The following ALKBH5 variants were observed in gnomAD, a reference collection of about 807,000 sequenced individuals.
ALKBH5 encodes alkB homolog 5, RNA demethylase.
ALKBH5 carries 2 observed loss-of-function variants against 32.1 expected under a neutral mutation model. The ratio of observed to expected loss-of-function variants is 0.06; its 90% CI spans 0.03 to 0.20. The LOEUF is 0.20. Ranked by LOEUF, ALKBH5 falls within the 10% of genes least tolerant of loss-of-function variation. ALKBH5 has a pLI of 1.00. For missense variants in ALKBH5, 352 were observed against 559.5 expected, an observed-to-expected ratio of 0.63 and a Z score of 3.74; for synonymous variants, 300 against 231.7, an observed-to-expected ratio of 1.29 and a Z score of -2.68.
intron 2 of ALKBH5, among the ~76,000 whole-genome samples, chr17:18,202,901 C>CTG (rs2047250103): frequency 1.3e-5 from 2 of 151,928 alleles, no homozygotes; most frequent in African/African-American, 2.4e-5. Flanking sequence ...TGGTGAAACC[C>CTG]TGTCCCTACT....
At chr17:18,191,388 A>C (rs529644917) in intron 1 of ALKBH5, among the ~76,000 whole-genome samples, 1 of 152,020 alleles carries the variant, frequency 6.6e-6, no homozygotes, top group Non-Finnish European at 1.5e-5. Context: ...GTGCAGCCCT[A>C]CCTCCATACT....
intron 1 of ALKBH5, among the ~76,000 whole-genome samples, chr17:18,193,248 CTA>C (rs888522256): frequency 7.0e-5 from 10 of 142,358 alleles, no homozygotes; most frequent in Non-Finnish European, 1.4e-4. Context: ...GAAGGTGGAT[CTA>C]TAAAATAAAG....
chr17:18,206,349 G>T (rs1156764760), intron 2 of ALKBH5, among the ~76,000 whole-genome samples: 1 of 152,222 alleles, frequency 6.6e-6, no homozygotes. Flanking sequence ...TGTCTGCACA[G>T]TGAGAAGATA....
rs1045597370 is a variant in ALKBH5, at chr17:18,184,176, G to A, written c.-68G>A. 18 of 1,363,750 alleles carry A rather than the reference G, an allele frequency of 1.3e-5. No individual in the cohort carries two copies. In the African/African-American group the frequency reaches 1.8e-4, roughly 14 times the overall value. 84.5% of individuals were successfully genotyped at this position (1,363,750 alleles called of 1,614,324 possible). On this transcript the variant is annotated 5_prime_UTR_variant, in exon 1 of 4. Transcript: ENST00000399138. ...CCTCCCTCCGGGGGCCCCGGGGCGC[G>A]TCCCCTTAGAGCCATGCCCGGCTGC...
In ALKBH5 at chr17:18,184,127, T is replaced by C; in HGVS notation, c.-117T>C. On this transcript the variant is annotated 5_prime_UTR_variant, in exon 1 of 4. An upstream start codon of the reference 5' UTR is lost. Transcript: ENST00000399138. ...CCCCGCCGGGTCCCCCACTCACGCA[T>C]GGGGGTTCGGCGCTAAGGACCCCCC... 1 of 928,714 alleles carries C rather than the reference T, an allele frequency of 1.1e-6. No homozygotes were observed. Among genetic ancestry groups the C allele is most frequent in the Non-Finnish European group, 1.6e-6 (1 of 617,708 alleles). The allele number at this position is 928,714 out of a possible 1,614,324, so 57.5% of individuals were successfully genotyped here.
chr17:18,201,547 C>T (rs946259218), intron 2 of ALKBH5, among the ~76,000 whole-genome samples: 1 of 152,140 alleles, frequency 6.6e-6, no homozygotes, highest in South Asian at 2.1e-4. Flanking sequence ...TGCCTGAGCG[C>T]GGGAGTTTGA....
At chr17:18,188,416 G>T (rs998147537) in intron 1 of ALKBH5, among the ~76,000 whole-genome samples, 2 of 152,268 alleles carry the variant, frequency 1.3e-5, no homozygotes, top group Admixed American at 6.5e-5. Flanking sequence ...GACTCTTCCA[G>T]TTAACGGTTG....
intron 1 of ALKBH5, among the ~76,000 whole-genome samples, chr17:18,189,519 G>C (rs950956794): frequency 6.6e-6 from 1 of 152,210 alleles, no homozygotes; most frequent in African/African-American, 2.4e-5. Flanking sequence ...GTGGGTGTAC[G>C]TGTGCCCTTT....
chr17:18,200,070 C>G (rs2047227088), intron 2 of ALKBH5, among the ~76,000 whole-genome samples: 1 of 147,632 alleles, frequency 6.8e-6, no homozygotes, highest in East Asian at 2.0e-4. Flanking sequence ...GCACTCCAGC[C>G]TGGGAGACAG....
intron 1 of ALKBH5, among the ~76,000 whole-genome samples, chr17:18,186,828 A>C (rs948170570): frequency 6.6e-6 from 1 of 152,148 alleles, no homozygotes; most frequent in Non-Finnish European, 1.5e-5. Context: ...CTTTGAATCC[A>C]GCTTTTCTCT....
intron 1 of ALKBH5, among the ~76,000 whole-genome samples, chr17:18,185,602 C>A (rs1027516623): frequency 6.6e-6 from 1 of 152,192 alleles, no homozygotes; most frequent in Admixed American, 6.5e-5. Context: ...TAAAATTCTT[C>A]CCTCCTGGCT....
intron 1 of ALKBH5, among the ~76,000 whole-genome samples, chr17:18,187,642 C>T (rs943768065): frequency 2.0e-5 from 3 of 152,206 alleles, no homozygotes; most frequent in Admixed American, 6.5e-5. Context: ...AATCTTCTTG[C>T]ACCTGCATAC....
intron 2 of ALKBH5, chr17:18,206,605 C>T (rs1030813493): frequency 1.7e-6 from 1 of 572,626 alleles, no homozygotes; most frequent in Non-Finnish European, 3.1e-6. Context: ...TGTTCCCATT[C>T]CTTACTCCTA....
intron 2 of ALKBH5, among the ~76,000 whole-genome samples, chr17:18,195,396 T>C (rs933749389): frequency 1.2e-4 from 19 of 152,240 alleles, no homozygotes; most frequent in Non-Finnish European, 2.2e-4. Context: ...GTGATTATTT[T>C]TAGACTGTGC....
chr17:18,185,871 C>G (rs2047136272), intron 1 of ALKBH5, among the ~76,000 whole-genome samples: 1 of 152,172 alleles, frequency 6.6e-6, no homozygotes, highest in African/African-American at 2.4e-5. Flanking sequence ...CCTTCCAGTC[C>G]TGAAAAAGGT....
rs1327438876 is a variant in ALKBH5, at chr17:18,193,865, C to A, written c.771-1090C>A. On this transcript the variant is annotated intron_variant, in intron 1 of 3. Coordinates refer to ENST00000399138, the MANE Select transcript of ALKBH5 (RefSeq NM_017758.4). Reference sequence around the variant, plus strand: ...GGTAGGGAAACTAAGCCATACTTGTCCTACTAGGCTTGTGGCTGAGTTTCT... The same window carrying A: ...GGTAGGGAAACTAAGCCATACTTGTACTACTAGGCTTGTGGCTGAGTTTCT... Among the ~76,000 whole-genome samples, 2 of 152,158 alleles carry A rather than the reference C, an allele frequency of 1.3e-5. 1 individual carries two copies. The highest frequency in any genetic ancestry group is 4.1e-4 in the South Asian group (2 of 4,830).
chr17:18,196,775 T>C (rs1011379611), intron 2 of ALKBH5, among the ~76,000 whole-genome samples: 2 of 152,196 alleles, frequency 1.3e-5, no homozygotes, highest in Non-Finnish European at 2.9e-5. Flanking sequence ...TGCCCACAGT[T>C]AAAGAGTGTG....
At chr17:18,187,186 G>A (rs2047144431) in intron 1 of ALKBH5, among the ~76,000 whole-genome samples, 2 of 152,092 alleles carry the variant, frequency 1.3e-5, no homozygotes, top group African/African-American at 4.8e-5. Flanking sequence ...TTCCACTTTG[G>A]AGTGTTGGAA....
Position 18,209,278 on chromosome 17 carries a change from G to A in ALKBH5, c.*882G>A, listed in dbSNP as rs2047290770. 6.5e-6 allele frequency: 1 copy of A among 152,726 alleles called. No individual in the cohort carries two copies. The highest frequency in any genetic ancestry group is 1.5e-5 in the Non-Finnish European group (1 of 68,084). The allele number at this position is 152,726 out of a possible 1,614,324, so 9.5% of individuals were successfully genotyped here. ...TTGGGGTATGGAAAATTGTTGTGGT[G>A]TGTGGTAGGGTTTTTGTTTTCTTTT... is the stretch of plus-strand genomic sequence containing the variant. On this transcript the variant is annotated 3_prime_UTR_variant, in exon 4 of 4. Transcript: ENST00000399138.
Sources: allele counts gnomAD v4.1 joint callset (sites outside exome capture counted in the v4.1 genomes callset), GRCh38; gene constraint gnomAD v4.1.1; transcripts MANE v1.5; gene names NCBI Gene and HGNC (gene_info 2026-07-23, HGNC 2026-07-21).